PDE1C: variants seen among roughly 807,000 people sequenced by gnomAD.
PDE1C encodes dual specificity calcium/calmodulin-dependent 3',5'-cyclic nucleotide phosphodiesterase 1C.
In PDE1C, 62 loss-of-function variants were observed where a neutral mutation model predicts 93.1. That is an observed-to-expected ratio of 0.67 (90% CI 0.54 to 0.82). The LOEUF is 0.82. PDE1C is among the 40% of genes least tolerant of loss of function. The pLI, the probability that PDE1C is intolerant of heterozygous loss-of-function variation, is 0.00. For missense variants in PDE1C, 742 were observed against 884.6 expected, an observed-to-expected ratio of 0.84 and a Z score of 2.04; for synonymous variants, 325 against 310.1, an observed-to-expected ratio of 1.05 and a Z score of -0.50.
chr7:31,633,176 C>T, the PDE1C span, among the ~76,000 whole-genome samples: 6 of 151,738 alleles, frequency 4.0e-5, no homozygotes, highest in South Asian at 4.2e-4. Flanking sequence ...TGAGCTACCG[C>T]GACCGGCCAG....
At position 32,251,057 on chromosome 7, in the gene PDE1C, G is replaced by A. The variant is rs115135704; in HGVS notation, c.86-41518C>T. Among the ~76,000 whole-genome samples the A allele has an allele frequency of 5.8e-3, 880 of 152,320 alleles. 3 individuals are homozygous for A. Among genetic ancestry groups the A allele is most frequent in the African/African-American group, 0.02 (839 of 41,548 alleles). On this transcript the variant is annotated intron_variant, in intron 1 of 18. Coordinates refer to the PDE1C transcript ENST00000396193. ...TGACGGATTATCAACACACACATGC[G>A]AGCGTGCACAAGCACAAGCGCGCGT...
intron 1 of PDE1C, among the ~76,000 whole-genome samples, chr7:32,379,815 G>T (rs567058444): frequency 6.6e-6 from 1 of 152,292 alleles, no homozygotes; most frequent in South Asian, 2.1e-4. Context: ...ACGGCACTTA[G>T]CATTGGTCCC....
intron 16 of PDE1C, chr7:31,788,689 T>G (rs1784264051): frequency 6.6e-6 from 1 of 152,226 alleles, no homozygotes; most frequent in Non-Finnish European, 1.5e-5. Flanking sequence ...TGAAGTCATT[T>G]GAATTTCTGG....
At position 32,095,677 on chromosome 7, in the gene PDE1C, A is replaced by G. The variant is rs564456747; in HGVS notation, c.308+74108T>C. Among the ~76,000 whole-genome samples the G allele has an allele frequency of 1.1e-4, 16 of 152,274 alleles. No individual in the cohort carries two copies. The East Asian group carries it at 2.9e-3, about 28-fold the overall frequency. ...AAATATGCTGCTTCTAGCATGTGCAATCTTCATCAGTTTAGTTTACAGAAT... is the reference window on the plus strand; with the variant it reads ...AAATATGCTGCTTCTAGCATGTGCAGTCTTCATCAGTTTAGTTTACAGAAT... On this transcript the variant is annotated intron_variant, in intron 3 of 18. Transcript: ENST00000396193.
intron 1 of PDE1C, among the ~76,000 whole-genome samples, chr7:32,389,959 C>G (rs1186666343): frequency 6.6e-6 from 1 of 152,140 alleles, no homozygotes; most frequent in Non-Finnish European, 1.5e-5. Flanking sequence ...TCTTCTCTCT[C>G]TGAGCCTAAG....
At chr7:31,940,859 C>A (rs1215430511) in intron 2 of PDE1C, among the ~76,000 whole-genome samples, 1 of 152,062 alleles carries the variant, frequency 6.6e-6, no homozygotes, top group Non-Finnish European at 1.5e-5. Context: ...CACACACAGA[C>A]CCTTCAAGTC....
intron 3 of PDE1C, among the ~76,000 whole-genome samples, chr7:32,151,505 A>G (rs1284426957): frequency 6.6e-6 from 1 of 152,240 alleles, no homozygotes; most frequent in Non-Finnish European, 1.5e-5. Flanking sequence ...GTCCACCAAC[A>G]GCTGAATGGA....
At chr7:31,929,375 T>C (rs775458896) in intron 2 of PDE1C, among the ~76,000 whole-genome samples, 2 of 152,126 alleles carry the variant, frequency 1.3e-5, no homozygotes, top group Non-Finnish European at 2.9e-5. Flanking sequence ...ATCAGACAGA[T>C]CGATGAGACA....
chr7:32,385,194 A>G (rs1021412153), intron 1 of PDE1C, among the ~76,000 whole-genome samples: 1 of 152,206 alleles, frequency 6.6e-6, no homozygotes, highest in Non-Finnish European at 1.5e-5. Flanking sequence ...AGAGAAGATG[A>G]ATTCACCTTT....
At chr7:32,083,834 A>G (rs1485449938) in intron 3 of PDE1C, among the ~76,000 whole-genome samples, 2 of 152,208 alleles carry the variant, frequency 1.3e-5, no homozygotes, top group Non-Finnish European at 2.9e-5. Flanking sequence ...CCTGCCCTAA[A>G]AGAGCTCCTA....
At chr7:31,885,992 C>A (rs1158841526) in intron 2 of PDE1C, among the ~76,000 whole-genome samples, 1 of 152,164 alleles carries the variant, frequency 6.6e-6, no homozygotes, top group Non-Finnish European at 1.5e-5. Flanking sequence ...CAAGGTTATT[C>A]CCTCTGAGGA....
rs1791223938 is a variant in PDE1C at position 31,837,198 on chromosome 7, C to A, written c.1185G>T (p.Leu395=). ...AAGGTACCTGTCTGAAGAACTCCTC[C>A]AGGAGTGACATTGTCCAGCGATGAT... is the stretch of plus-strand genomic sequence containing the variant. ...DLHHRWTMSL[L]EEFFRQGDRE... is the part of the protein sequence containing the mutation. The change falls in exon 11 of 18, where the codon CTG becomes CTT. Residue 395 remains leucine, a synonymous_variant. Coordinates refer to ENST00000396191, the MANE Select transcript of PDE1C (RefSeq NM_001191057.4). 1 of 1,613,512 alleles carries A rather than the reference C, an allele frequency of 6.2e-7. No homozygotes were observed. The highest frequency in any genetic ancestry group is 1.3e-5 in the African/African-American group (1 of 74,874).
intron 2 of PDE1C, among the ~76,000 whole-genome samples, chr7:31,914,412 C>A (rs1801626692): frequency 6.6e-6 from 1 of 152,116 alleles, no homozygotes; most frequent in South Asian, 2.1e-4. Context: ...TCATCTATAT[C>A]CAAATGTTAA....
the PDE1C span, among the ~76,000 whole-genome samples, chr7:31,715,746 T>C: frequency 6.6e-6 from 1 of 152,240 alleles, no homozygotes; most frequent in African/African-American, 2.4e-5. Flanking sequence ...CCCATAGTCC[T>C]GTGCATCTTA....
At chr7:31,912,407 C>G (rs927709438) in intron 2 of PDE1C, among the ~76,000 whole-genome samples, 1 of 151,934 alleles carries the variant, frequency 6.6e-6, no homozygotes, top group Non-Finnish European at 1.5e-5. Flanking sequence ...GATAAAAGGC[C>G]GGGTGTGGTG....
chr7:32,213,968 A>G (rs1806238759), intron 1 of PDE1C, among the ~76,000 whole-genome samples: 1 of 152,212 alleles, frequency 6.6e-6, no homozygotes, highest in African/African-American at 2.4e-5. Flanking sequence ...ACTTTTCTGC[A>G]TAAACTCAAT....
intron 1 of PDE1C, among the ~76,000 whole-genome samples, chr7:32,318,495 T>C (rs1432938735): frequency 6.6e-6 from 1 of 152,146 alleles, no homozygotes; most frequent in Non-Finnish European, 1.5e-5. Flanking sequence ...CACCGCTGGC[T>C]GGGTGCCCGC....
At chr7:32,019,745 G>A (rs1474090079) in intron 2 of PDE1C, among the ~76,000 whole-genome samples, 3 of 152,084 alleles carry the variant, frequency 2.0e-5, no homozygotes, top group East Asian at 3.9e-4. Context: ...ATAGGATAGG[G>A]AAACAAGGGG....
chr7:31,838,030 A>T, intron 9 of PDE1C, 59 bp from the exon 10 acceptor site: 2 of 1,160,012 alleles, frequency 1.7e-6, no homozygotes, highest in South Asian at 2.6e-5. Flanking sequence ...AGTAAAAATC[A>T]GTGTTTTTTT....
Sources: gnomAD v4.1 joint callset for allele counts (sites outside exome capture counted in the v4.1 genomes callset) on GRCh38, gnomAD v4.1.1 for gene constraint, MANE v1.5 for transcripts, NCBI Gene and HGNC (gene_info 2026-07-23, HGNC 2026-07-21) for gene names.